Variants in SAP130 observed in about 807,000 individuals in gnomAD.
SAP130 encodes the protein Sin3A associated protein 130, also known as histone deacetylase complex subunit SAP130.
SAP130 carries 16 observed loss-of-function variants against 103.2 expected under a neutral mutation model. The ratio of observed to expected loss-of-function variants is 0.16; its 90% CI spans 0.10 to 0.24. SAP130 has a LOEUF of 0.24. SAP130 is among the 10% of genes least tolerant of loss of function. The probability of loss-of-function intolerance (pLI) is 1.00; values close to 1 mark genes in which losing one functional copy is unlikely to be tolerated. For synonymous variants in SAP130, 477 were observed against 497.0 expected, an observed-to-expected ratio of 0.96 and a Z score of 0.53; for missense variants, 990 against 1,359.7, an observed-to-expected ratio of 0.73 and a Z score of 4.28.
At chr2:128,024,247 G>A (rs1402407009) in intron 2 of SAP130, among the ~76,000 whole-genome samples, 1 of 152,110 alleles carries the variant, frequency 6.6e-6, no homozygotes, top group East Asian at 1.9e-4. Context: ...GGGAGGCCTA[G>A]GCGGGAGGAT....
intron 4 of SAP130, among the ~76,000 whole-genome samples, chr2:128,015,749 C>T (rs1684724857): frequency 6.6e-6 from 1 of 151,942 alleles, no homozygotes; most frequent in Non-Finnish European, 1.5e-5. Flanking sequence ...GGAGACCAGC[C>T]TGGCCAACAT....
rs1348122364 is a variant in SAP130, at chr2:128,023,315, T to C, written c.112+2866A>G. 2.6e-5 allele frequency among the ~76,000 whole-genome samples: 4 copies of C among 152,258 alleles called. No homozygotes were observed. The East Asian group carries it at 7.8e-4, about 30-fold the overall frequency. ...TTAGCCTGGCCTCGGCTAATTTTTG[T>C]ATTTGCTGTAGAAACGGGGATTTGC... On this transcript the variant is annotated intron_variant, in intron 2 of 20. Transcript: ENST00000643581.
Position 128,022,068 on chromosome 2 carries a change from C to G in SAP130, c.112+4113G>C, listed in dbSNP as rs541852044. 1.1e-4 allele frequency among the ~76,000 whole-genome samples: 17 copies of G among 152,282 alleles called. No individual in the cohort carries two copies. The South Asian group carries it at 3.5e-3, about 32-fold the overall frequency. ...ACACAATCATGATACAGATCATTTCCTGTTACTCCAGTGAGTTCATTCACA... is the reference window on the plus strand; with the variant it reads ...ACACAATCATGATACAGATCATTTCGTGTTACTCCAGTGAGTTCATTCACA... On this transcript the variant is annotated intron_variant, in intron 2 of 20. Coordinates refer to ENST00000643581, the MANE Select transcript of SAP130 (RefSeq NM_001330301.2).
At chr2:127,993,858 C>T (rs918272318) in intron 11 of SAP130, among the ~76,000 whole-genome samples, 3 of 152,132 alleles carry the variant, frequency 2.0e-5, no homozygotes, top group African/African-American at 7.2e-5. Flanking sequence ...TAGGTTCAAT[C>T]AAGCCTCCTG....
chr2:127,968,233 G>A (rs781373367), intron 15 of SAP130, among the ~76,000 whole-genome samples: 7 of 151,286 alleles, frequency 4.6e-5, no homozygotes, highest in Non-Finnish European at 7.4e-5. Context: ...CACAGCCTCC[G>A]GAGTAGCTGG....
At chr2:127,980,579 A>AT (rs1475770952) in intron 14 of SAP130, among the ~76,000 whole-genome samples, 1 of 152,248 alleles carries the variant, frequency 6.6e-6, no homozygotes, top group African/African-American at 2.4e-5. Flanking sequence ...GTATCATTAC[A>AT]GGAAAACATG....
chr2:128,022,555 T>TAG lies in SAP130; in HGVS notation c.112+3624_112+3625dup, dbSNP rs374018565. Among the ~76,000 whole-genome samples the TAG allele has an allele frequency of 4.5e-3, 688 of 152,340 alleles. 6 individuals carry two copies. Among genetic ancestry groups the TAG allele is most frequent in the African/African-American group, 0.016 (646 of 41,574 alleles). ...TTGCCAAATTGTTTCTTGAAGTGGC[T>TAG]AGCCATTTTGCATTCCCAACAATAA... On this transcript the variant is annotated intron_variant, in intron 2 of 20. Transcript: ENST00000643581.
chr2:128,027,866 C>T, intron 1 of SAP130, 74 bp downstream of exon 1: 6 of 915,600 alleles, frequency 6.6e-6, no homozygotes, highest in Non-Finnish European at 7.8e-6. Context: ...ACGGGACGGA[C>T]GCTGCAGCCC....
intron 13 of SAP130, among the ~76,000 whole-genome samples, chr2:127,987,589 C>CTT (rs1310521467): frequency 6.6e-6 from 1 of 151,968 alleles, no homozygotes; most frequent in African/African-American, 2.4e-5. Flanking sequence ...CTACTAGTTA[C>CTT]TTTACATTTT....
At chr2:127,993,416 C>T (rs1682955434) in intron 11 of SAP130, 108 bp from the exon 12 acceptor site, 1 of 1,231,992 alleles carries the variant, frequency 8.1e-7, no homozygotes, top group Admixed American at 2.8e-5. Context: ...GTCAAACAAG[C>T]TTTGCTCAAA....
chr2:127,964,661 AG>A (rs1348666647), intron 15 of SAP130, among the ~76,000 whole-genome samples: 1 of 152,040 alleles, frequency 6.6e-6, no homozygotes, highest in East Asian at 1.9e-4. Context: ...AAAAAAATAA[AG>A]GAAACAATAA....
chr2:127,968,472 G>T, intron 15 of SAP130, among the ~76,000 whole-genome samples: 1 of 146,886 alleles, frequency 6.8e-6, no homozygotes, highest in African/African-American at 2.5e-5. Flanking sequence ...AGGTTGCAGT[G>T]AGCAGAGATC....
chr2:128,026,313 G>A lies in SAP130; in HGVS notation c.-6-15C>T. 6.6e-7 allele frequency: 1 copy of A among 1,518,372 alleles called. No homozygotes were observed. Among genetic ancestry groups the A allele is most frequent in the African/African-American group, 1.4e-5 (1 of 73,128 alleles). The allele number at this position is 1,518,372 out of a possible 1,614,324, so 94.1% of individuals were successfully genotyped here. On this transcript the variant is annotated splice_polypyrimidine_tract_variant and intron_variant, in intron 1 of 20. Coordinates refer to ENST00000643581, the MANE Select transcript of SAP130 (RefSeq NM_001330301.2). ...CTCATTTCCACCTGTAGTACATACA[G>A]TTATATGGTTATTACTAGATTCTGA...
chr2:127,945,446 C>T lies in SAP130; in HGVS notation c.2901+10G>A. 1 of 1,531,862 alleles carries T rather than the reference C, an allele frequency of 6.5e-7. No homozygotes were observed. Among genetic ancestry groups the T allele is most frequent in the Non-Finnish European group, 9.1e-7 (1 of 1,104,914 alleles). 94.9% of individuals were successfully genotyped at this position (1,531,862 alleles called of 1,614,324 possible). On this transcript the variant is annotated intron_variant, in intron 19 of 20. Transcript: ENST00000643581. ...TCAGCATGATGAACAACTGCTAGAA[C>T]TCCACCTACCAGCTGTAGTAACTGG... is the stretch of plus-strand genomic sequence containing the variant.
chr2:128,020,786 G>A (rs1275072477), intron 2 of SAP130, among the ~76,000 whole-genome samples: 1 of 151,338 alleles, frequency 6.6e-6, no homozygotes, highest in African/African-American at 2.4e-5. Context: ...ATCACCTGAG[G>A]TCAGGAGTTC....
Position 128,013,168 on chromosome 2 carries a change from A to G in SAP130, c.620-14T>C. The G allele has an allele frequency of 6.4e-7, 1 of 1,571,838 alleles. No homozygotes were observed. The highest frequency in any genetic ancestry group is 8.6e-7 in the Non-Finnish European group (1 of 1,157,888). On this transcript the variant is annotated splice_polypyrimidine_tract_variant and intron_variant, in intron 5 of 20. Coordinates refer to ENST00000643581, the MANE Select transcript of SAP130 (RefSeq NM_001330301.2). ...CAGCAGCTGCACCTGAAAAAAAAAAAGTGTTTATTATATTTATTCTAGTTA... is the reference window on the plus strand; with the variant it reads ...CAGCAGCTGCACCTGAAAAAAAAAAGGTGTTTATTATATTTATTCTAGTTA...
In SAP130 at chr2:127,941,684, C is replaced by A; in HGVS notation, c.*322G>T. 1 of 336,926 alleles carries A rather than the reference C, an allele frequency of 3.0e-6. No individual in the cohort carries two copies. The highest frequency in any genetic ancestry group is 3.4e-5 in the South Asian group (1 of 29,412). The allele number at this position is 336,926 out of a possible 1,614,324, so 20.9% of individuals were successfully genotyped here. The stretch of plus-strand genomic sequence containing the variant: ...CAGGAATCCACTAGATAAATACAGT[C>A]TATAAACCGGAAGGCTGAAAAACAC... On this transcript the variant is annotated 3_prime_UTR_variant, in exon 21 of 21. Transcript: ENST00000643581.
At position 127,989,432 on chromosome 2, in the gene SAP130, TC is replaced by T. The variant is rs551218107; in HGVS notation, c.1780+131del. The T allele has an allele frequency of 1.3e-4, 100 of 794,772 alleles. No individual in the cohort carries two copies. The African/African-American group carries it at 1.5e-3, about 12-fold the overall frequency. The allele number at this position is 794,772 out of a possible 1,614,324, so 49.2% of individuals were successfully genotyped here. On this transcript the variant is annotated intron_variant, in intron 13 of 20. Transcript: ENST00000643581. This position sits in a 1 kb window ranked among gnomAD's most constrained non-coding sequence, Gnocchi z 4.6. Reference sequence around the variant, plus strand: ...CCTGAAACTCTAAGTTCTAAGCAACTCATATTATTAATACAAAGAAGAAAAG... The same window carrying T: ...CCTGAAACTCTAAGTTCTAAGCAACTATATTATTAATACAAAGAAGAAAAG...
intron 15 of SAP130, among the ~76,000 whole-genome samples, chr2:127,957,881 C>T (rs1679955775): frequency 6.6e-6 from 1 of 151,904 alleles, no homozygotes; most frequent in South Asian, 2.1e-4. Flanking sequence ...AGAAGTTCAC[C>T]TGACAAATAA....
Sources: gnomAD v4.1 joint callset for allele counts (sites outside exome capture counted in the v4.1 genomes callset) on GRCh38, gnomAD v4.1.1 for gene constraint, Gnocchi (gnomAD v3.1) non-coding constraint, MANE v1.5 for transcripts, NCBI Gene and HGNC (gene_info 2026-07-23, HGNC 2026-07-21) for gene names.